Variants in REG4 observed in about 807,000 individuals in gnomAD.
The protein encoded by REG4 is regenerating islet-derived protein 4.
REG4 carries 16 observed loss-of-function variants against 22.3 expected under a neutral mutation model. The ratio of observed to expected loss-of-function variants is 0.72; its 90% confidence interval spans 0.49 to 1.09. The LOEUF is 1.09. REG4 is among the 50% of genes least tolerant of loss of function. The pLI is 0.00. For missense variants in REG4, 214 were observed against 193.9 expected, an observed-to-expected ratio of 1.10 and a Z score of -0.61; for synonymous variants, 71 against 69.2, an observed-to-expected ratio of 1.03 and a Z score of -0.13.
intron 5 of REG4, among the ~76,000 whole-genome samples, chr1:119,796,015 G>A (rs1345481008): frequency 1.3e-5 from 2 of 152,208 alleles, no homozygotes; most frequent in Non-Finnish European, 2.9e-5. Context: ...CTCATCAGAG[G>A]CGGAGTGCAG....
At chr1:119,808,447 A>G (rs1179112646) in intron 2 of REG4, among the ~76,000 whole-genome samples, 1 of 152,256 alleles carries the variant, frequency 6.6e-6, no homozygotes, top group Non-Finnish European at 1.5e-5. Flanking sequence ...GCCCTTCACA[A>G]TAAACTTGCC....
intron 2 of REG4, among the ~76,000 whole-genome samples, chr1:119,804,900 A>G (rs1352665612): frequency 6.6e-6 from 1 of 151,878 alleles, no homozygotes; most frequent in Non-Finnish European, 1.5e-5. Flanking sequence ...TCACCCTGCA[A>G]GGTGCTTTCT....
intron 2 of REG4, among the ~76,000 whole-genome samples, chr1:119,805,075 TA>T (rs1654255867): frequency 6.6e-6 from 1 of 152,210 alleles, no homozygotes; most frequent in South Asian, 2.1e-4. Flanking sequence ...AAATCTATGT[TA>T]CTGCCACCAA....
intron 3 of REG4, chr1:119,801,742 T>G (rs2101069835): frequency 6.6e-6 from 1 of 152,468 alleles, no homozygotes; most frequent in Non-Finnish European, 1.5e-5. Context: ...CAGCTCTTGT[T>G]GGGTTTGAGG....
At position 119,803,129 on chromosome 1, in the gene REG4, A is replaced by T. The variant is rs1654172938; in HGVS notation, c.104T>A (p.Phe35Tyr). The part of the protein sequence containing the change: ...IMRPSCAPGW[F>Y]YHKSNCYGYF... ...ACCATAGCAATTGGACTTGTGGTAA[A>T]ACCATCCAGGAGCACAGCTGGGTCT... Residue 35 changes from phenylalanine (F) to tyrosine (Y), a missense_variant, in exon 3 of 6, where the codon TTT (phenylalanine) becomes TAT (tyrosine). Physicochemically the swap from Phe to Tyr is conservative, Grantham distance 22. Coordinates refer to ENST00000256585, the MANE Select transcript of REG4 (RefSeq NM_032044.4). 1 of 1,535,506 alleles carries T rather than the reference A, an allele frequency of 6.5e-7. No individual in the cohort carries two copies. Among genetic ancestry groups the T allele is most frequent in the African/African-American group, 1.4e-5 (1 of 72,338 alleles).
intron 2 of REG4, 144 bp downstream of exon 2, chr1:119,808,559 A>T: frequency 1.6e-6 from 1 of 613,758 alleles, no homozygotes; most frequent in Non-Finnish European, 2.9e-6. Context: ...ATTTTTTAGT[A>T]CCTATCTTTG....
intron 5 of REG4, 66 bp from the exon 6 acceptor site, chr1:119,794,751 G>T: frequency 7.0e-7 from 1 of 1,431,206 alleles, no homozygotes; most frequent in Non-Finnish European, 9.9e-7. Context: ...GAGTTATCTG[G>T]GTGTTTTTCT....
chr1:119,794,499 G>A lies in REG4; in HGVS notation c.*119C>T. 1.1e-6 allele frequency: 1 copy of A among 911,286 alleles called. No homozygotes were observed. The highest frequency in any genetic ancestry group is 1.8e-5 in the Admixed American group (1 of 56,290). 56.5% of individuals were successfully genotyped at this position (911,286 alleles called of 1,614,324 possible). Reference sequence around the variant, plus strand: ...AGCCTAAAAAAGCCAGTGTAGTAGGGCCCTTATCACTCTTAGTTTGCTAGG... The same window carrying A: ...AGCCTAAAAAAGCCAGTGTAGTAGGACCCTTATCACTCTTAGTTTGCTAGG... On this transcript the variant is annotated 3_prime_UTR_variant, in exon 6 of 6. Coordinates refer to ENST00000256585, the MANE Select transcript of REG4 (RefSeq NM_032044.4).
chr1:119,808,686 A>G lies in REG4; in HGVS notation c.67+17T>C. The stretch of plus-strand genomic sequence containing the variant: ...CACTGGCTGTGGCTCAGTTCCAGCT[A>G]CGTGATGGATACTCACCACCCAGGA... On this transcript the variant is annotated intron_variant, in intron 2 of 5. Coordinates refer to ENST00000256585, the MANE Select transcript of REG4 (RefSeq NM_032044.4). 4.4e-6 allele frequency: 7 copies of G among 1,599,458 alleles called. No individual in the cohort carries two copies. Among genetic ancestry groups the G allele is most frequent in the Non-Finnish European group, 6.0e-6 (7 of 1,166,984 alleles).
intron 2 of REG4, among the ~76,000 whole-genome samples, chr1:119,806,341 C>T (rs1654317762): frequency 6.6e-6 from 1 of 152,110 alleles, no homozygotes; most frequent in Admixed American, 6.6e-5. Flanking sequence ...GTCATTATTC[C>T]TACGTTCCAG....
At chr1:119,796,088 TTGCACGTGATAAGCA>T (rs1653932906) in intron 5 of REG4, among the ~76,000 whole-genome samples, 1 of 152,196 alleles carries the variant, frequency 6.6e-6, no homozygotes, top group African/African-American at 2.4e-5. Context: ...TTAGCCTAGC[TTGCACGTGATAAGCA>T]TGCCACATGT....
chr1:119,808,561 C>G (rs1412982717), intron 2 of REG4, 142 bp downstream of exon 2: 1 of 609,172 alleles, frequency 1.6e-6, no homozygotes, highest in Non-Finnish European at 2.9e-6. Context: ...TTTTTAGTAC[C>G]TATCTTTGTT....
intron 5 of REG4, among the ~76,000 whole-genome samples, chr1:119,794,942 T>G (rs1046930833): frequency 6.6e-6 from 1 of 152,186 alleles, no homozygotes; most frequent in Non-Finnish European, 1.5e-5. Flanking sequence ...TCCAATCAAT[T>G]GAAGGCCTTA....
intron 4 of REG4, 72 bp from the exon 5 acceptor site, chr1:119,798,674 TC>T (rs1654007025): frequency 9.0e-7 from 1 of 1,108,018 alleles, no homozygotes; most frequent in South Asian, 1.4e-5. Context: ...GTCCCCTCAG[TC>T]CCCTTTAAAA....
intron 1 of REG4, among the ~76,000 whole-genome samples, chr1:119,809,653 C>G (rs904307135): frequency 3.3e-5 from 5 of 152,194 alleles, no homozygotes; most frequent in African/African-American, 1.2e-4. Context: ...CATTGTCTTG[C>G]ACTCACATAA....
At chr1:119,808,663 C>G (rs1450672579) in intron 2 of REG4, 40 bp downstream of exon 2, 1 of 1,466,350 alleles carries the variant, frequency 6.8e-7, no homozygotes, top group Non-Finnish European at 9.6e-7. Flanking sequence ...TGTGTGAACA[C>G]TGGCTGTGGC....
chr1:119,808,397 C>A (rs587673264), intron 2 of REG4, among the ~76,000 whole-genome samples: 1 of 152,322 alleles, frequency 6.6e-6, no homozygotes, highest in African/African-American at 2.4e-5. Context: ...GACTTATTGA[C>A]AATCTGCTAG....
At chr1:119,803,824 G>A (rs763398906) in intron 2 of REG4, among the ~76,000 whole-genome samples, 3 of 152,172 alleles carry the variant, frequency 2.0e-5, no homozygotes, top group Admixed American at 6.5e-5. Flanking sequence ...CTATGTGTCA[G>A]TACTGGGGGA....
chr1:119,799,893 G>C, intron 3 of REG4, 31 bp from the exon 4 acceptor site: 1 of 1,611,842 alleles, frequency 6.2e-7, no homozygotes, highest in Non-Finnish European at 8.5e-7. Context: ...TGTTAATTAT[G>C]CCTGCATGTT....
Sources: gnomAD v4.1 joint callset for allele counts (sites outside exome capture counted in the v4.1 genomes callset) on GRCh38, gnomAD v4.1.1 for gene constraint, MANE v1.5 for transcripts, NCBI Gene and HGNC (gene_info 2026-07-23, HGNC 2026-07-21) for gene names.